The following SLC4A10 variants were observed in gnomAD, a reference collection of about 807,000 sequenced individuals.
SLC4A10 encodes the protein sodium-driven chloride bicarbonate exchanger.
SLC4A10 carries 42 observed loss-of-function variants against 137.7 expected under a neutral mutation model. The ratio of observed to expected loss-of-function variants is 0.30; its 90% CI spans 0.24 to 0.39. The LOEUF is 0.39. Among genes scored for constraint, SLC4A10 ranks in the 10% least tolerant of loss-of-function variants. The pLI, the probability that SLC4A10 is intolerant of heterozygous loss-of-function variation, is 1.00. For missense variants in SLC4A10, 925 were observed against 1,355.0 expected (o/e 0.68, Z 4.98); for synonymous variants, 474 against 464.1 (o/e 1.02, Z -0.27).
intron 2 of SLC4A10, among the ~76,000 whole-genome samples, chr2:161,790,701 T>C (rs1178024850): frequency 6.6e-6 from 1 of 152,156 alleles, no homozygotes. Flanking sequence ...TGTGCACATC[T>C]TATAATAAAC....
At chr2:161,765,203 GTATGTGAC>G (rs2050667533) in intron 1 of SLC4A10, among the ~76,000 whole-genome samples, 1 of 152,146 alleles carries the variant, frequency 6.6e-6, no homozygotes, top group Non-Finnish European at 1.5e-5. Context: ...ACATATATAA[GTATGTGAC>G]TATGTTGAGA....
chr2:161,812,111 T>C (rs1170848628), intron 3 of SLC4A10, among the ~76,000 whole-genome samples: 2 of 152,064 alleles, frequency 1.3e-5, no homozygotes, highest in East Asian at 3.9e-4. Flanking sequence ...TCTATTTTTA[T>C]TTTTTAGGTT....
chr2:161,703,643 G>A (rs898949257), intron 1 of SLC4A10, among the ~76,000 whole-genome samples: 1 of 151,492 alleles, frequency 6.6e-6, no homozygotes, highest in Non-Finnish European at 1.5e-5. Flanking sequence ...TTCCTCTATT[G>A]TGTGATCTCC....
intron 1 of SLC4A10, among the ~76,000 whole-genome samples, chr2:161,745,746 T>C (rs2048325387): frequency 6.6e-6 from 1 of 152,190 alleles, no homozygotes; most frequent in Admixed American, 6.5e-5. Flanking sequence ...TTAAGGGTTG[T>C]AATCTAAGTC....
intron 1 of SLC4A10, among the ~76,000 whole-genome samples, chr2:161,674,657 A>G (rs950867920): frequency 7.2e-5 from 11 of 152,204 alleles, no homozygotes; most frequent in Admixed American, 2.0e-4. Flanking sequence ...TGGGATCAAG[A>G]GAAGAAATAT....
chr2:161,898,732 A>G (rs2063772949), intron 11 of SLC4A10, among the ~76,000 whole-genome samples: 1 of 152,128 alleles, frequency 6.6e-6, no homozygotes, highest in African/African-American at 2.4e-5. Context: ...CATGTCGTGT[A>G]CTTGCTTGGC....
rs983761556 is a variant in SLC4A10 at position 161,942,779 on chromosome 2, T to C, written c.1998-13T>C. On this transcript the variant is annotated splice_polypyrimidine_tract_variant and intron_variant, in intron 15 of 26. Transcript: ENST00000446997. Reference sequence around the variant, plus strand: ...CTACTTATTTCACAAAAGACACTATTTTGCCTTTTCAGGTGTAACTGTGTG... The same window carrying C: ...CTACTTATTTCACAAAAGACACTATCTTGCCTTTTCAGGTGTAACTGTGTG... 3 of 1,579,170 alleles carry C rather than the reference T, an allele frequency of 1.9e-6. No homozygotes were observed. Among genetic ancestry groups the C allele is most frequent in the South Asian group, 1.2e-5 (1 of 86,492 alleles).
At chr2:161,805,568 G>A (rs1261752645) in intron 3 of SLC4A10, among the ~76,000 whole-genome samples, 1 of 152,122 alleles carries the variant, frequency 6.6e-6, no homozygotes, top group Admixed American at 6.6e-5. Flanking sequence ...TTCCAAATGG[G>A]AGATATTGGC....
chr2:161,973,222 G>A (rs1034077851), intron 23 of SLC4A10, among the ~76,000 whole-genome samples: 1 of 152,028 alleles, frequency 6.6e-6, no homozygotes, highest in Non-Finnish European at 1.5e-5. Flanking sequence ...CATTTCTGGG[G>A]TTAGAACCAA....
At chr2:161,920,936 G>A (rs955226289) in intron 15 of SLC4A10, among the ~76,000 whole-genome samples, 1 of 152,224 alleles carries the variant, frequency 6.6e-6, no homozygotes, top group African/African-American at 2.4e-5. Flanking sequence ...AGACCTTAGT[G>A]ATTATCAGAC....
chr2:161,672,508 A>C (rs10205432), intron 1 of SLC4A10, among the ~76,000 whole-genome samples: 126,534 of 147,374 alleles, frequency 0.86, 53,623 homozygotes, highest in East Asian at 0.99. Context: ...TGTCTAAAAA[A>C]AATTTTTTTT....
intron 10 of SLC4A10, among the ~76,000 whole-genome samples, chr2:161,888,131 C>G (rs190294936): frequency 6.6e-6 from 1 of 152,242 alleles, no homozygotes; most frequent in African/African-American, 2.4e-5. Context: ...GGCATTATTT[C>G]TGAGGTCTCT....
chr2:161,693,994 T>C (rs945619266), intron 1 of SLC4A10, among the ~76,000 whole-genome samples: 2 of 152,010 alleles, frequency 1.3e-5, no homozygotes, highest in African/African-American at 4.8e-5. Context: ...TACTCAAAAC[T>C]TGGCACATTC....
intron 3 of SLC4A10, among the ~76,000 whole-genome samples, chr2:161,812,796 T>A (rs549858218): frequency 1.6e-4 from 25 of 152,256 alleles, no homozygotes; most frequent in African/African-American, 5.8e-4. Context: ...TCCATGTCTT[T>A]GCTATGGTGA....
chr2:161,697,036 G>A (rs1187313792), intron 1 of SLC4A10, among the ~76,000 whole-genome samples: 2 of 152,134 alleles, frequency 1.3e-5, no homozygotes, highest in Non-Finnish European at 2.9e-5. Flanking sequence ...TGGTTTTGAT[G>A]TGCATTTCTC....
intron 2 of SLC4A10, among the ~76,000 whole-genome samples, chr2:161,779,629 GTT>G (rs913527421): frequency 6.6e-5 from 10 of 151,916 alleles, no homozygotes; most frequent in Non-Finnish European, 1.5e-4. Flanking sequence ...TTGAAAAACA[GTT>G]TTAAAAATAA....
At chr2:161,747,014 C>G (rs564381913) in intron 1 of SLC4A10, among the ~76,000 whole-genome samples, 37 of 152,224 alleles carry the variant, frequency 2.4e-4, no homozygotes, top group Admixed American at 2.1e-3. Flanking sequence ...AGCTGTGATG[C>G]CTGGATTTGG....
At chr2:161,868,734 T>C (rs1295010234) in intron 6 of SLC4A10, among the ~76,000 whole-genome samples, 1 of 151,624 alleles carries the variant, frequency 6.6e-6, no homozygotes, top group East Asian at 1.9e-4. Flanking sequence ...GCAGAGGAGA[T>C]ATTAGGTTTC....
chr2:161,720,790 T>A lies in SLC4A10; in HGVS notation c.49-50183T>A, dbSNP rs567813279. On this transcript the variant is annotated intron_variant, in intron 1 of 26. Transcript: ENST00000446997. ...TCTGTATCTTTGCATGTGAGATGGA[T>A]TTCTTGAATACAGCACGCCAATGAG... is the stretch of plus-strand genomic sequence containing the variant. 2.0e-5 allele frequency among the ~76,000 whole-genome samples: 3 copies of A among 152,174 alleles called. No homozygotes were observed. In the South Asian group the frequency reaches 6.2e-4, roughly 32 times the overall value.
Sources: allele counts gnomAD v4.1 joint callset (sites outside exome capture counted in the v4.1 genomes callset), GRCh38; gene constraint gnomAD v4.1.1; transcripts MANE v1.5; gene names NCBI Gene and HGNC (gene_info 2026-07-23, HGNC 2026-07-21).